Variants in BCLAF1 observed in about 807,000 individuals in gnomAD.
BCLAF1 encodes bcl-2-associated transcription factor 1.
BCLAF1 carries 10 observed loss-of-function variants against 99.5 expected under a neutral mutation model. That is an observed-to-expected ratio of 0.10 (90% CI 0.06 to 0.17). BCLAF1 has a LOEUF of 0.17. Ranked by LOEUF, BCLAF1 falls within the 10% of genes least tolerant of loss-of-function variation. The probability of loss-of-function intolerance (pLI) is 1.00; values close to 1 mark genes in which losing one functional copy is unlikely to be tolerated. For missense variants in BCLAF1, 636 were observed against 1,105.8 expected, an observed-to-expected ratio of 0.58 and a Z score of 6.02; for synonymous variants, 255 against 370.9, an observed-to-expected ratio of 0.69 and a Z score of 3.59.
At chr6:136,282,003 C>G (rs1259739156) in intron 2 of BCLAF1, among the ~76,000 whole-genome samples, 1 of 152,092 alleles carries the variant, frequency 6.6e-6, no homozygotes, top group Non-Finnish European at 1.5e-5. Flanking sequence ...AGTTAGCAGT[C>G]CAAAAGAAAT....
intron 3 of BCLAF1, among the ~76,000 whole-genome samples, chr6:136,279,245 A>T (rs1308722257): frequency 6.6e-6 from 1 of 152,192 alleles, no homozygotes; most frequent in Admixed American, 6.5e-5. Flanking sequence ...AATGAGCATC[A>T]ACTACTATTA....
In BCLAF1 at chr6:136,278,204, G is replaced by A; in HGVS notation, c.677C>T (p.Pro226Leu). Residue 226 changes from proline (P) to leucine (L), a missense_variant, in exon 4 of 13, where the codon CCC (proline) becomes CTC (leucine). Physicochemically the swap from Pro to Leu is moderately conservative, Grantham distance 98 (BLOSUM62 -3). Coordinates refer to ENST00000531224, the MANE Select transcript of BCLAF1 (RefSeq NM_014739.3). ...TGTAGCAATAGGTGAAGGACTATGGGGTGATCTAGGACTATTATCATAAGC... is the reference window on the plus strand; with the variant it reads ...TGTAGCAATAGGTGAAGGACTATGGAGTGATCTAGGACTATTATCATAAGC... Reference protein sequence around the residue: ...LSAYDNSPRSPHSPSPIATPP... With the variant: ...LSAYDNSPRSLHSPSPIATPP... 1.2e-6 allele frequency: 2 copies of A among 1,614,130 alleles called. No homozygotes were observed. The highest frequency in any genetic ancestry group is 8.5e-7 in the Non-Finnish European group (1 of 1,179,992).
rs1471741346 is a variant in BCLAF1, at chr6:136,258,171, A to C, written c.*2939T>G. 1 of 152,076 alleles carries C rather than the reference A, an allele frequency of 6.6e-6. No individual in the cohort carries two copies. The allele number at this position is 152,076 out of a possible 1,614,324, so 9.4% of individuals were successfully genotyped here. The stretch of plus-strand genomic sequence containing the variant: ...GTAAGAATTATACCACATCTTACTT[A>C]AAGTGAATGAAAAGACAATTCTTTT... On this transcript the variant is annotated 3_prime_UTR_variant, in exon 13 of 13. Transcript: ENST00000531224.
chr6:136,263,071 T>C (rs747047903), intron 11 of BCLAF1, among the ~76,000 whole-genome samples: 1 of 152,202 alleles, frequency 6.6e-6, no homozygotes, highest in Non-Finnish European at 1.5e-5. Context: ...CTGGCCCTGT[T>C]CTGAACACTT....
intron 1 of BCLAF1, among the ~76,000 whole-genome samples, chr6:136,283,585 C>T (rs1215916336): frequency 2.6e-5 from 4 of 152,124 alleles, no homozygotes; most frequent in South Asian, 4.2e-4. Context: ...AAGCACCAGG[C>T]GAACAGAAAC....
chr6:136,267,015 T>C lies in BCLAF1; in HGVS notation c.2544+14A>G, dbSNP rs1273550084. The stretch of plus-strand genomic sequence containing the variant: ...TTAATGCAAACCAAATAAACACAGA[T>C]GTCTAACACCCACCAAGAAGTACTT... On this transcript the variant is annotated intron_variant, in intron 11 of 12. Coordinates refer to ENST00000531224, the MANE Select transcript of BCLAF1 (RefSeq NM_014739.3). The C allele has an allele frequency of 2.5e-6, 4 of 1,611,878 alleles. No homozygotes were observed. The highest frequency in any genetic ancestry group is 3.4e-6 in the Non-Finnish European group (4 of 1,178,708).
intron 2 of BCLAF1, 61 bp from the exon 3 acceptor site, chr6:136,279,937 T>C: frequency 2.3e-6 from 3 of 1,323,582 alleles, no homozygotes; most frequent in African/African-American, 3.0e-5. Flanking sequence ...AAATTTTACA[T>C]TATTACTTAT....
chr6:136,281,100 A>C (rs1784334860), intron 2 of BCLAF1, among the ~76,000 whole-genome samples: 1 of 152,186 alleles, frequency 6.6e-6, no homozygotes, highest in Admixed American at 6.5e-5. Flanking sequence ...TCATCAAGCA[A>C]TATAAATAAC....
At chr6:136,287,763 C>T (rs988325631) in intron 1 of BCLAF1, among the ~76,000 whole-genome samples, 4 of 152,202 alleles carry the variant, frequency 2.6e-5, no homozygotes, top group South Asian at 2.1e-4. Context: ...GGCGCAGGGG[C>T]TCATCCCTGT....
chr6:136,272,721 A>C (rs1258188016), intron 7 of BCLAF1, among the ~76,000 whole-genome samples: 1 of 151,964 alleles, frequency 6.6e-6, no homozygotes, highest in South Asian at 2.1e-4. Context: ...TCTGACTTCA[A>C]TGCTCATGCT....
chr6:136,286,338 A>G (rs146738213), intron 1 of BCLAF1, among the ~76,000 whole-genome samples: 2 of 152,334 alleles, frequency 1.3e-5, no homozygotes, highest in Non-Finnish European at 2.9e-5. Flanking sequence ...TTCCTGGCTC[A>G]GCCATTAACT....
At chr6:136,275,723 C>T (rs772327896) in intron 5 of BCLAF1, 22 bp from the exon 6 acceptor site, 15 of 1,569,638 alleles carry the variant, frequency 9.6e-6, no homozygotes, top group Non-Finnish European at 1.3e-5. Flanking sequence ...TGATAACACA[C>T]ACACACACAA....
At chr6:136,268,062 A>G in intron 10 of BCLAF1, 100 bp downstream of exon 10, 2 of 1,118,060 alleles carry the variant, frequency 1.8e-6, no homozygotes, top group Non-Finnish European at 2.4e-6. Context: ...AGGAATAATG[A>G]CACACATAAC....
intron 8 of BCLAF1, among the ~76,000 whole-genome samples, chr6:136,271,030 T>C (rs1782450664): frequency 1.3e-5 from 2 of 151,714 alleles, no homozygotes; most frequent in South Asian, 4.1e-4. Flanking sequence ...AGATTCCACA[T>C]CTAGTAAGTT....
chr6:136,261,490 T>A lies in BCLAF1; in HGVS notation c.2545-13A>T, dbSNP rs1273245561. On this transcript the variant is annotated splice_polypyrimidine_tract_variant and intron_variant, in intron 11 of 12. Transcript: ENST00000531224. ...CTCTGTCGTCATGCTACAGAAAGGT[T>A]AAAAACAATTGTCAATGAAATGTTT... 6.2e-7 allele frequency: 1 copy of A among 1,605,890 alleles called. No individual in the cohort carries two copies. The highest frequency in any genetic ancestry group is 8.5e-7 in the Non-Finnish European group (1 of 1,175,660).
chr6:136,288,327 C>T (rs1483188209), intron 1 of BCLAF1, among the ~76,000 whole-genome samples: 2 of 152,210 alleles, frequency 1.3e-5, no homozygotes, highest in Admixed American at 6.5e-5. Context: ...GCACAGCTCA[C>T]AGCAGCCTCA....
rs750458158 is a variant in BCLAF1 at position 136,278,434 on chromosome 6, T to G, written c.447A>C (p.Pro149=). 1 of 1,608,346 alleles carries G rather than the reference T, an allele frequency of 6.2e-7. No individual in the cohort carries two copies. Among genetic ancestry groups the G allele is most frequent in the East Asian group, 2.2e-5 (1 of 44,862 alleles). The change falls in exon 4 of 13, where the codon CCA becomes CCC. Residue 149 remains proline, a synonymous_variant. Coordinates refer to ENST00000531224, the MANE Select transcript of BCLAF1 (RefSeq NM_014739.3). The part of the protein sequence containing the change: ...PRSSSSRSSS[P]YSKSPVSKRR... Reference sequence around the variant, plus strand: ...TTTTAGAAACAGGAGATTTGCTATATGGGGATGAAGAACGAGAAGAGGATG... The same window carrying G: ...TTTTAGAAACAGGAGATTTGCTATAGGGGGATGAAGAACGAGAAGAGGATG...
chr6:136,286,973 C>G (rs1345974054), intron 1 of BCLAF1, among the ~76,000 whole-genome samples: 1 of 146,380 alleles, frequency 6.8e-6, no homozygotes, highest in Non-Finnish European at 1.5e-5. Flanking sequence ...ATCTCAAAAA[C>G]AGAAAAACTA....
In BCLAF1 at chr6:136,278,330, T is replaced by C. The variant is rs774245527; in HGVS notation, c.551A>G (p.Gln184Arg). The change falls in exon 4 of 13, where the codon CAG becomes CGG. Residue 184 changes from glutamine to arginine, a missense_variant. This residue lies in a region of BCLAF1 where 65 missense variants were observed against 90.9 expected (regional missense o/e 0.71). Coordinates refer to ENST00000531224, the MANE Select transcript of BCLAF1 (RefSeq NM_014739.3). The part of the protein sequence containing the change: ...QEESPLKSKS[Q>R]EEPKDTFEHD... Reference sequence around the variant, plus strand: ...TTCAAATGTATCTTTCGGTTCCTCCTGTGATTTACTTTTCAACGGACTCTC... The same window carrying C: ...TTCAAATGTATCTTTCGGTTCCTCCCGTGATTTACTTTTCAACGGACTCTC... The C allele has an allele frequency of 2.5e-6, 4 of 1,614,134 alleles. No homozygotes were observed. The highest frequency in any genetic ancestry group is 2.2e-5 in the South Asian group (2 of 91,086).
Sources: allele counts gnomAD v4.1 joint callset (sites outside exome capture counted in the v4.1 genomes callset), GRCh38; gene constraint gnomAD v4.1.1; regional missense constraint gnomAD v4.1.1; transcripts MANE v1.5; gene names NCBI Gene and HGNC (gene_info 2026-07-23, HGNC 2026-07-21).